The following PRDM5 variants were observed in gnomAD, a reference collection of about 807,000 sequenced individuals.
The protein encoded by PRDM5 is PR/SET domain 5, also known as PR domain zinc finger protein 5.
A neutral mutation model predicts 81.2 loss-of-function variants in PRDM5; 56 were observed. The observed-to-expected ratio is 0.69, with a 90% CI of 0.56 to 0.86. PRDM5 has a LOEUF of 0.86. Among genes scored for constraint, PRDM5 ranks in the 40% least tolerant of loss-of-function variants. The pLI, the probability that PRDM5 is intolerant of heterozygous loss-of-function variation, is 0.00. For missense variants in PRDM5, 697 were observed against 770.1 expected (o/e 0.91, Z 1.12); for synonymous variants, 267 against 256.4 (o/e 1.04, Z -0.39).
intron 14 of PRDM5, among the ~76,000 whole-genome samples, chr4:120,734,769 C>T (rs1046487942): frequency 6.6e-6 from 1 of 152,186 alleles, no homozygotes; most frequent in African/African-American, 2.4e-5. Context: ...TTTTCTACTT[C>T]TGCAGACTAA....
At position 120,765,951 on chromosome 4, in the gene PRDM5, T is replaced by A. The variant is rs1363665326; in HGVS notation, c.1537+11237A>T. Among the ~76,000 whole-genome samples, 3 of 146,476 alleles carry A rather than the reference T, an allele frequency of 2.0e-5. No individual in the cohort carries two copies. In the East Asian group the frequency reaches 6.5e-4, roughly 32 times the overall value. On this transcript the variant is annotated intron_variant, in intron 13 of 15. Transcript: ENST00000264808. ...AAACAACACTATGCAGTTGGGACTT[T>A]TTTTTTTCTTTCTTTTTTTTTTTTT...
intron 3 of PRDM5, among the ~76,000 whole-genome samples, chr4:120,847,847 GAC>G (rs1454153757): frequency 3.3e-5 from 5 of 152,154 alleles, no homozygotes; most frequent in Non-Finnish European, 7.4e-5. Context: ...CGCTGGGTGA[GAC>G]ATGGATACTG....
chr4:120,880,495 C>A (rs1002057250), intron 2 of PRDM5, among the ~76,000 whole-genome samples: 2 of 151,934 alleles, frequency 1.3e-5, no homozygotes, highest in Non-Finnish European at 2.9e-5. Context: ...ATATTTAAAC[C>A]AATATATTCA....
At chr4:120,744,119 A>C (rs1469356551) in intron 14 of PRDM5, among the ~76,000 whole-genome samples, 2 of 152,212 alleles carry the variant, frequency 1.3e-5, no homozygotes, top group Admixed American at 6.5e-5. Flanking sequence ...ACGCAGGATT[A>C]AGAATCTCAC....
chr4:120,907,784 G>A (rs370081779), intron 1 of PRDM5, among the ~76,000 whole-genome samples: 1 of 152,260 alleles, frequency 6.6e-6, no homozygotes, highest in East Asian at 1.9e-4. Context: ...AACATAAAAG[G>A]GTTAAATCAT....
chr4:120,754,695 G>C, intron 13 of PRDM5, 57 bp from the exon 14 acceptor site: 1 of 1,200,332 alleles, frequency 8.3e-7, no homozygotes, highest in Non-Finnish European at 1.2e-6. Flanking sequence ...AACCAGTCCT[G>C]TGCTATCACT....
In PRDM5 at chr4:120,921,187, C is replaced by T. The variant is rs150342750; in HGVS notation, c.93+1329G>A. Among the ~76,000 whole-genome samples the T allele has an allele frequency of 3.5e-4, 54 of 152,290 alleles. No individual in the cohort carries two copies. In the East Asian group the frequency reaches 0.01, roughly 29 times the overall value. ...GGAAGGTCTGTTTGAGAATTTTTCA[C>T]ATCTTTTAAGAATGAATTAAAAGGA... On this transcript the variant is annotated intron_variant, in intron 1 of 15. Coordinates refer to ENST00000264808, the MANE Select transcript of PRDM5 (RefSeq NM_018699.4).
At chr4:120,841,557 T>A (rs1042298575) in intron 3 of PRDM5, among the ~76,000 whole-genome samples, 1 of 152,252 alleles carries the variant, frequency 6.6e-6, no homozygotes, top group African/African-American at 2.4e-5. Flanking sequence ...AAAAATAGTT[T>A]AAAACTTACC....
intron 10 of PRDM5, among the ~76,000 whole-genome samples, chr4:120,791,678 C>G (rs1000633909): frequency 1.3e-5 from 2 of 152,164 alleles, no homozygotes; most frequent in African/African-American, 2.4e-5. Context: ...CACCCCCTGG[C>G]TCTGCCACCC....
chr4:120,882,490 A>G (rs1762954701), intron 2 of PRDM5, among the ~76,000 whole-genome samples: 1 of 152,108 alleles, frequency 6.6e-6, no homozygotes. Context: ...TTCTGGTACT[A>G]GCTTCTGTAT....
intron 9 of PRDM5, among the ~76,000 whole-genome samples, chr4:120,798,705 C>T (rs1751687518): frequency 1.3e-5 from 2 of 151,998 alleles, no homozygotes; most frequent in Non-Finnish European, 2.9e-5. Flanking sequence ...AGATGAAAAC[C>T]ATGCTGATAT....
chr4:120,709,196 A>T (rs1048127549), intron 15 of PRDM5, among the ~76,000 whole-genome samples: 4 of 152,192 alleles, frequency 2.6e-5, no homozygotes, highest in Non-Finnish European at 5.9e-5. Flanking sequence ...TCTGGGCTGT[A>T]TATCAGCTAC....
At chr4:120,826,048 G>A (rs1251091292) in intron 3 of PRDM5, among the ~76,000 whole-genome samples, 1 of 151,994 alleles carries the variant, frequency 6.6e-6, no homozygotes, top group Non-Finnish European at 1.5e-5. Context: ...AATATTGACT[G>A]GGTCTACCTC....
At chr4:120,913,401 CA>C (rs1218771211) in intron 1 of PRDM5, among the ~76,000 whole-genome samples, 1 of 152,144 alleles carries the variant, frequency 6.6e-6, no homozygotes, top group Non-Finnish European at 1.5e-5. Context: ...AGAGGGAGAA[CA>C]AAAACTTCAA....
chr4:120,814,952 C>T (rs955760742), intron 7 of PRDM5, among the ~76,000 whole-genome samples: 2 of 152,090 alleles, frequency 1.3e-5, no homozygotes, highest in Admixed American at 6.5e-5. Context: ...CATAAATTTC[C>T]AGAATTAATA....
intron 13 of PRDM5, among the ~76,000 whole-genome samples, chr4:120,774,519 G>T (rs1237953890): frequency 6.6e-6 from 1 of 152,214 alleles, no homozygotes; most frequent in East Asian, 1.9e-4. Flanking sequence ...TGTAGCCTGG[G>T]AGGGCAAATG....
chr4:120,756,375 G>C (rs1028418681), intron 13 of PRDM5, among the ~76,000 whole-genome samples: 1 of 152,048 alleles, frequency 6.6e-6, no homozygotes, highest in African/African-American at 2.4e-5. Context: ...CATTCACCTA[G>C]TTAGCAAATT....
At chr4:120,792,299 T>G (rs1437430615) in intron 10 of PRDM5, among the ~76,000 whole-genome samples, 1 of 152,166 alleles carries the variant, frequency 6.6e-6, no homozygotes, top group Non-Finnish European at 1.5e-5. Context: ...GTCACTCCAC[T>G]GGTGCGGAGA....
rs191229303 is a variant in PRDM5 at position 120,841,920 on chromosome 4, A to G, written c.300+11498T>C. Among the ~76,000 whole-genome samples the G allele has an allele frequency of 3.4e-3, 520 of 152,330 alleles. 5 individuals carry two copies. Among genetic ancestry groups the G allele is most frequent in the African/African-American group, 0.012 (505 of 41,582 alleles). On this transcript the variant is annotated intron_variant, in intron 3 of 15. Coordinates refer to ENST00000264808, the MANE Select transcript of PRDM5 (RefSeq NM_018699.4). ...GATATAGCCCAGTTCCAGTATATTT[A>G]GTGCAATATTGATTAATTCTCAAAT...
Sources: allele counts gnomAD v4.1 joint callset (sites outside exome capture counted in the v4.1 genomes callset), GRCh38; gene constraint gnomAD v4.1.1; transcripts MANE v1.5; gene names NCBI Gene and HGNC (gene_info 2026-07-23, HGNC 2026-07-21).